THOC1: variants seen among roughly 807,000 people sequenced by gnomAD.
The protein encoded by THOC1 is THO complex 1.
In THOC1, 29 loss-of-function variants were observed where a neutral mutation model predicts 97.3. The observed-to-expected ratio is 0.30, with a 90% confidence interval of 0.22 to 0.41. The LOEUF (loss-of-function observed/expected upper bound fraction) is 0.41, where lower values mean the gene tolerates loss of function less well. THOC1 is among the 10% of genes least tolerant of loss of function. The probability of loss-of-function intolerance (pLI) is 1.00; values close to 1 mark genes in which losing one functional copy is unlikely to be tolerated. For synonymous variants in THOC1, 255 were observed against 257.0 expected, an observed-to-expected ratio of 0.99 and a Z score of 0.07; for missense variants, 529 against 761.9, an observed-to-expected ratio of 0.69 and a Z score of 3.60.
chr18:244,823 A>C (rs503947), intron 11 of THOC1: 3 of 152,144 alleles, frequency 2.0e-5, no homozygotes, highest in East Asian at 3.9e-4. Context: ...GGAAATTCCC[A>C]ATCTATTCAC....
chr18:260,084 A>G (rs1487311672), intron 5 of THOC1, 102 bp downstream of exon 5: 1 of 712,140 alleles, frequency 1.4e-6, no homozygotes, highest in African/African-American at 2.0e-5. Flanking sequence ...ACTTGTTGGC[A>G]TTCAGCAATA....
rs1040785073 is a variant in THOC1, at chr18:252,392, T to C, written c.677+147A>G. ...TAAAGCCCATTAGTGATTTACGATT[T>C]ATTAAGTAATATACATGAAAATTAC... On this transcript the variant is annotated intron_variant, in intron 9 of 20. Coordinates refer to ENST00000261600, the MANE Select transcript of THOC1 (RefSeq NM_005131.3). 8.8e-5 allele frequency: 57 copies of C among 650,166 alleles called. No individual in the cohort carries two copies. The Admixed American group carries it at 1.6e-3, about 18-fold the overall frequency. The allele number at this position is 650,166 out of a possible 1,614,324, so 40.3% of individuals were successfully genotyped here.
chr18:237,631 G>C (rs898546069), intron 11 of THOC1, among the ~76,000 whole-genome samples: 1 of 152,010 alleles, frequency 6.6e-6, no homozygotes, highest in Non-Finnish European at 1.5e-5. Context: ...AGGTTCCACA[G>C]TTAGTATGTT....
chr18:225,007 A>G lies in THOC1; in HGVS notation c.1138-13T>C. Reference sequence around the variant, plus strand: ...TGTTTAATATATGCTGGGAAAAACAAAGCGATTACATTTTGGTTAGTGGAA... The same window carrying G: ...TGTTTAATATATGCTGGGAAAAACAGAGCGATTACATTTTGGTTAGTGGAA... On this transcript the variant is annotated splice_polypyrimidine_tract_variant and intron_variant, in intron 14 of 20. Transcript: ENST00000261600. 6.4e-7 allele frequency: 1 copy of G among 1,567,468 alleles called. No homozygotes were observed. Among genetic ancestry groups the G allele is most frequent in the Non-Finnish European group, 8.7e-7 (1 of 1,154,012 alleles).
intron 10 of THOC1, 117 bp downstream of exon 10, chr18:247,732 A>G (rs1912142083): frequency 1.1e-5 from 7 of 630,062 alleles, no homozygotes; most frequent in Non-Finnish European, 1.9e-5. Context: ...TGAAATTGGT[A>G]TAAAAATGTA....
intron 11 of THOC1, among the ~76,000 whole-genome samples, chr18:241,958 T>C (rs1370370935): frequency 2.6e-5 from 4 of 152,198 alleles, no homozygotes; most frequent in Non-Finnish European, 4.4e-5. Flanking sequence ...ATTTAGCAAG[T>C]AGTAACCCTG....
intron 5 of THOC1, 86 bp downstream of exon 5, chr18:260,100 A>T: frequency 1.2e-6 from 1 of 862,214 alleles, no homozygotes; most frequent in Non-Finnish European, 1.6e-6. Context: ...CAATACTACA[A>T]ATAAATTTAA....
rs1294889743 is a variant in THOC1 at position 254,917 on chromosome 18, A to G, written c.521-562T>C. On this transcript the variant is annotated intron_variant, in intron 7 of 20. Transcript: ENST00000261600. The surrounding 1 kb of genome is among the most constrained non-coding windows in gnomAD (Gnocchi z 4.1). ...TGCAAGTTCAGCTTCCCAAGCTCAG[A>G]TGATCCTCCCACCTCAGCCTCCTGA... Among the ~76,000 whole-genome samples, 1 of 151,724 alleles carries G rather than the reference A, an allele frequency of 6.6e-6. No individual in the cohort carries two copies. The highest frequency in any genetic ancestry group is 6.6e-5 in the Admixed American group (1 of 15,226).
In THOC1 at chr18:259,743, CG is replaced by C; in HGVS notation, c.376-14del. The stretch of plus-strand genomic sequence containing the variant: ...AATAGAATGTATTCTGAAATTAAGA[CG>C]GAAATTATCACTCTTCTTCAGAACT... On this transcript the variant is annotated splice_polypyrimidine_tract_variant and intron_variant, in intron 5 of 20. Transcript: ENST00000261600. 1.3e-6 allele frequency: 2 copies of C among 1,530,568 alleles called. No homozygotes were observed. Among genetic ancestry groups the C allele is most frequent in the Middle Eastern group, 1.7e-4 (1 of 5,946 alleles). 94.8% of individuals were successfully genotyped at this position (1,530,568 alleles called of 1,614,324 possible). A position where few individuals can be genotyped will look rare whatever the true frequency, so the allele number is the denominator to read the frequency against.
chr18:233,666 CA>C (rs938035274), intron 11 of THOC1, among the ~76,000 whole-genome samples: 1 of 152,182 alleles, frequency 6.6e-6, no homozygotes, highest in African/African-American at 2.4e-5. Flanking sequence ...ACCTTTTCTA[CA>C]ATTTGGACTT....
chr18:250,875 G>C (rs898847241), intron 9 of THOC1, among the ~76,000 whole-genome samples: 5 of 152,050 alleles, frequency 3.3e-5, no homozygotes, highest in African/African-American at 9.7e-5. Context: ...AGTGTCTTTT[G>C]GGCTGTTTAC....
In THOC1 at chr18:242,283, C is replaced by T. The variant is rs572999222; in HGVS notation, c.918+4041G>A. ...CCTGAGGCTGCGAGTTCGAGACCAG[C>T]CTGGCCAACATGGCAAAAAACCTGT... On this transcript the variant is annotated intron_variant, in intron 11 of 20. Coordinates refer to ENST00000261600, the MANE Select transcript of THOC1 (RefSeq NM_005131.3). The surrounding 1 kb of genome is among the most constrained non-coding windows in gnomAD (Gnocchi z 4.5). 2.8e-4 allele frequency among the ~76,000 whole-genome samples: 43 copies of T among 151,990 alleles called. No homozygotes were observed. The highest frequency in any genetic ancestry group is 9.9e-4 in the African/African-American group (41 of 41,334).
chr18:261,440 G>A (rs906775441), intron 4 of THOC1, among the ~76,000 whole-genome samples: 10 of 152,208 alleles, frequency 6.6e-5, no homozygotes, highest in East Asian at 1.9e-4. Flanking sequence ...GGAATGCGAC[G>A]TGAGGGATAT....
intron 18 of THOC1, among the ~76,000 whole-genome samples, 168 bp from the exon 19 acceptor site, chr18:216,801 A>G (rs1035390545): frequency 2.0e-5 from 3 of 152,260 alleles, no homozygotes; most frequent in Admixed American, 2.0e-4. Flanking sequence ...GTCCACTGAT[A>G]ATAACAAACC....
intron 9 of THOC1, among the ~76,000 whole-genome samples, chr18:249,699 C>T (rs1013310413): frequency 6.0e-5 from 9 of 150,704 alleles, no homozygotes; most frequent in African/African-American, 2.2e-4. Flanking sequence ...AAGAACATTC[C>T]CTAAAACGTT....
intron 17 of THOC1, among the ~76,000 whole-genome samples, chr18:221,346 T>TTTGTTGATTTAA (rs1483740118): frequency 3.3e-5 from 5 of 152,162 alleles, no homozygotes; most frequent in African/African-American, 9.7e-5. Flanking sequence ...TGGGTCAACT[T>TTTGTTGATTTAA]CTCATTCTAA....
intron 19 of THOC1, 129 bp downstream of exon 19, chr18:216,357 T>A: frequency 9.8e-7 from 1 of 1,018,036 alleles, no homozygotes; most frequent in Middle Eastern, 3.3e-4. Flanking sequence ...TTTCCCTCAT[T>A]CTAAAACATG....
chr18:256,131 A>G (rs975180636), intron 7 of THOC1, among the ~76,000 whole-genome samples: 2 of 152,224 alleles, frequency 1.3e-5, no homozygotes, highest in African/African-American at 4.8e-5. Context: ...TTTGCAGCCA[A>G]AGGATCAAAG....
At chr18:221,350 A>T (rs62073495) in intron 17 of THOC1, among the ~76,000 whole-genome samples, 4,653 of 152,176 alleles carry the variant, frequency 0.031, 108 homozygotes, top group Non-Finnish European at 0.046. Flanking sequence ...TCAACTTCTC[A>T]TTCTAATTTT....
Sources: allele counts gnomAD v4.1 joint callset (sites outside exome capture counted in the v4.1 genomes callset), GRCh38; gene constraint gnomAD v4.1.1; non-coding constraint Gnocchi (gnomAD v3.1); transcripts MANE v1.5; gene names NCBI Gene and HGNC (gene_info 2026-07-23, HGNC 2026-07-21).